The following PACSIN2 variants were observed in gnomAD, a reference collection of about 807,000 sequenced individuals.
The protein encoded by PACSIN2 is protein kinase C and casein kinase substrate in neurons protein 2.
A neutral mutation model predicts 63.8 loss-of-function variants in PACSIN2; 25 were observed. The observed-to-expected ratio is 0.39, with a 90% CI of 0.29 to 0.55. The LOEUF (loss-of-function observed/expected upper bound fraction) is 0.55, where lower values mean the gene tolerates loss of function less well. Among genes scored for constraint, PACSIN2 ranks in the 20% least tolerant of loss-of-function variants. The pLI, the probability that PACSIN2 is intolerant of heterozygous loss-of-function variation, is 0.62. For synonymous variants in PACSIN2, 255 were observed against 256.2 expected (o/e 1.00, Z 0.05); for missense variants, 518 against 646.9 (o/e 0.80, Z 2.16).
In PACSIN2 at chr22:42,991,412, C is replaced by T. The variant is rs558658693; in HGVS notation, c.-78+23609G>A. 3.1e-3 allele frequency among the ~76,000 whole-genome samples: 470 copies of T among 152,300 alleles called. 3 individuals carry two copies. Among genetic ancestry groups the T allele is most frequent in the African/African-American group, 0.011 (463 of 41,568 alleles). On this transcript the variant is annotated intron_variant, in intron 1 of 10. Transcript: ENST00000263246. ...TTCTCAGCCTGAGCCCCACCCCACC[C>T]ATCCAGGCACAGAAGGCTTCTTCTC...
intron 4 of PACSIN2, among the ~76,000 whole-genome samples, chr22:42,890,530 C>T (rs948033262): frequency 6.6e-6 from 1 of 151,734 alleles, no homozygotes; most frequent in African/African-American, 2.4e-5. Flanking sequence ...CCAGCCTGGC[C>T]AACATGGTGA....
intron 2 of PACSIN2, among the ~76,000 whole-genome samples, chr22:42,897,136 C>T (rs569255345): frequency 5.3e-5 from 8 of 152,136 alleles, no homozygotes; most frequent in African/African-American, 1.2e-4. Context: ...AGGGTTTTGC[C>T]GTGTTGCCTA....
chr22:42,960,172 A>C (rs1934080181), intron 1 of PACSIN2, among the ~76,000 whole-genome samples: 1 of 152,222 alleles, frequency 6.6e-6, no homozygotes, highest in South Asian at 2.1e-4. Flanking sequence ...ACCATACATG[A>C]GTCTTCTAAT....
chr22:42,882,779 C>T (rs1346777915), intron 6 of PACSIN2, among the ~76,000 whole-genome samples: 2 of 152,220 alleles, frequency 1.3e-5, no homozygotes, highest in Non-Finnish European at 1.5e-5. Flanking sequence ...TGGGGGCTGC[C>T]TTCCGCCTGG....
intron 4 of PACSIN2, among the ~76,000 whole-genome samples, chr22:42,889,483 G>T (rs752334092): frequency 2.0e-5 from 3 of 151,996 alleles, no homozygotes; most frequent in Non-Finnish European, 2.9e-5. Flanking sequence ...AAGGCCTCAT[G>T]AGACACAGAC....
intron 1 of PACSIN2, among the ~76,000 whole-genome samples, chr22:42,929,233 T>C (rs1045618374): frequency 2.0e-5 from 3 of 152,234 alleles, no homozygotes; most frequent in African/African-American, 7.2e-5. Context: ...AGAAAGTCCA[T>C]GCTTCCCAAG....
At chr22:42,918,909 A>G (rs896699804) in intron 1 of PACSIN2, among the ~76,000 whole-genome samples, 11 of 152,158 alleles carry the variant, frequency 7.2e-5, no homozygotes, top group Admixed American at 7.2e-4. Context: ...GAAGAAACAC[A>G]TAAGCTGAGG....
intron 1 of PACSIN2, among the ~76,000 whole-genome samples, chr22:42,923,200 A>G (rs979186209): frequency 8.5e-5 from 13 of 152,348 alleles, no homozygotes; most frequent in African/African-American, 3.1e-4. Flanking sequence ...AATTGGCCGC[A>G]GAACTGTAGC....
intron 1 of PACSIN2, among the ~76,000 whole-genome samples, chr22:42,936,031 G>A (rs1932905962): frequency 1.3e-5 from 2 of 152,128 alleles, no homozygotes; most frequent in East Asian, 1.9e-4. Flanking sequence ...GGCTAACACG[G>A]TGAAACCCCG....
At chr22:42,885,327 G>C (rs954828269) in intron 5 of PACSIN2, among the ~76,000 whole-genome samples, 14 of 152,154 alleles carry the variant, frequency 9.2e-5, no homozygotes, top group African/African-American at 3.4e-4. Flanking sequence ...AGGGCCACCA[G>C]TTTGGTGGCC....
intron 1 of PACSIN2, among the ~76,000 whole-genome samples, chr22:42,953,403 T>TA (rs932815739): frequency 1.3e-5 from 2 of 151,964 alleles, no homozygotes; most frequent in Non-Finnish European, 1.5e-5. Flanking sequence ...ATTACAGGAA[T>TA]AAAAAATTAC....
chr22:42,882,251 A>G lies in PACSIN2; in HGVS notation c.839T>C (p.Val280Ala). The G allele has an allele frequency of 1.9e-6, 3 of 1,614,030 alleles. No homozygotes were observed. Among genetic ancestry groups the G allele is most frequent in the Middle Eastern group, 1.6e-4 (1 of 6,062 alleles). The change falls in exon 7 of 11, where the codon GTG becomes GCG. Residue 280 changes from valine to alanine, a missense_variant. Physicochemically the swap from Val to Ala is moderately conservative, Grantham distance 64 (BLOSUM62 0). Around this residue, in one of 2 missense-constraint regions of PACSIN2, gnomAD observed 507 missense variants for 612.3 expected, o/e 0.83. Transcript: ENST00000263246. The stretch of plus-strand genomic sequence containing the variant: ...GGCTCGGAACCACCTCAGGTCCTCC[A>G]CTGCATCAGCTGCTCTGATGCTCTG... ...LEQSIRAADA[V>A]EDLRWFRANH...
chr22:42,887,368 G>A (rs1009236859), intron 5 of PACSIN2, among the ~76,000 whole-genome samples: 7 of 152,196 alleles, frequency 4.6e-5, no homozygotes, highest in Non-Finnish European at 7.3e-5. Flanking sequence ...CCTGCTGGAT[G>A]GCACGTGACT....
At chr22:43,014,291 G>C (rs1039378642) in intron 1 of PACSIN2, among the ~76,000 whole-genome samples, 17 of 114,386 alleles carry the variant, frequency 1.5e-4, no homozygotes, top group African/African-American at 5.4e-4. Context: ...CCTAGGACGT[G>C]CTGCGGTAAG....
chr22:42,901,815 G>C (rs1307428628), intron 2 of PACSIN2, among the ~76,000 whole-genome samples: 1 of 152,228 alleles, frequency 6.6e-6, no homozygotes, highest in African/African-American at 2.4e-5. Context: ...TACCTGACCA[G>C]CTCTGGGTCA....
chr22:42,961,468 AT>A (rs1489522700), intron 1 of PACSIN2, among the ~76,000 whole-genome samples: 2 of 150,860 alleles, frequency 1.3e-5, no homozygotes, highest in Non-Finnish European at 3.0e-5. Context: ...AAAAAAAAAA[AT>A]CTTGTGTTTA....
intron 1 of PACSIN2, among the ~76,000 whole-genome samples, chr22:42,957,399 T>C (rs1333279771): frequency 6.7e-6 from 1 of 149,172 alleles, no homozygotes; most frequent in African/African-American, 2.4e-5. Context: ...AAATAAGCGC[T>C]ATCCTGTGAA....
chr22:42,938,651 T>C (rs1250843002), intron 1 of PACSIN2, among the ~76,000 whole-genome samples: 4 of 152,180 alleles, frequency 2.6e-5, no homozygotes, highest in African/African-American at 7.2e-5. Flanking sequence ...ACCATCTCCC[T>C]CTCGACAGCC....
chr22:42,899,941 T>C (rs551421808), intron 2 of PACSIN2, among the ~76,000 whole-genome samples: 37 of 152,220 alleles, frequency 2.4e-4, no homozygotes, highest in African/African-American at 8.9e-4. Flanking sequence ...AGCTGTAACA[T>C]TAGAAATGGG....
Sources: gnomAD v4.1 joint callset for allele counts (sites outside exome capture counted in the v4.1 genomes callset) on GRCh38, gnomAD v4.1.1 for gene constraint, gnomAD v4.1.1 regional missense constraint, MANE v1.5 for transcripts, NCBI Gene and HGNC (gene_info 2026-07-23, HGNC 2026-07-21) for gene names.